The following C10orf67 variants were observed in gnomAD, a reference collection of about 807,000 sequenced individuals.
C10orf67 encodes uncharacterized protein C10orf67, mitochondrial.
In C10orf67, 60 loss-of-function variants were observed where a neutral mutation model predicts 35.6. That is an observed-to-expected ratio of 1.68 (90% CI 1.37 to 2.09). C10orf67 has a LOEUF of 2.09. Ranked by LOEUF, C10orf67 falls within the 30% of genes most tolerant of loss-of-function variation. C10orf67 has a pLI of 0.00. For missense variants in C10orf67, 474 were observed against 330.2 expected, an observed-to-expected ratio of 1.44 and a Z score of -3.38; for synonymous variants, 167 against 115.8, an observed-to-expected ratio of 1.44 and a Z score of -2.84.
chr10:23,248,574 C>T (rs1250414195), intron 12 of C10orf67, among the ~76,000 whole-genome samples: 1 of 152,092 alleles, frequency 6.6e-6, no homozygotes, highest in Non-Finnish European at 1.5e-5. Context: ...TTTTCATCTA[C>T]TAAACAAAAA....
chr10:23,205,091 C>T (rs1310610275), intron 15 of C10orf67, among the ~76,000 whole-genome samples: 1 of 152,198 alleles, frequency 6.6e-6, no homozygotes, highest in Non-Finnish European at 1.5e-5. Flanking sequence ...AAGATAAAAA[C>T]GTGACAACCT....
At chr10:23,224,244 C>T (rs553275871) in intron 13 of C10orf67, among the ~76,000 whole-genome samples, 17 of 152,276 alleles carry the variant, frequency 1.1e-4, no homozygotes, top group East Asian at 7.7e-4. Flanking sequence ...CTGCAGCCTC[C>T]GCTGCTGATA....
At chr10:23,261,931 T>C (rs897552733) in intron 10 of C10orf67, among the ~76,000 whole-genome samples, 10 of 152,180 alleles carry the variant, frequency 6.6e-5, no homozygotes, top group African/African-American at 2.2e-4. Flanking sequence ...AATAAGTTCC[T>C]AAAGAAAACA....
At chr10:23,275,975 G>A (rs934964653) in intron 8 of C10orf67, among the ~76,000 whole-genome samples, 1 of 152,034 alleles carries the variant, frequency 6.6e-6, no homozygotes, top group Non-Finnish European at 1.5e-5. Context: ...CAATACATTG[G>A]AGTTGATACA....
chr10:23,283,314 T>C (rs949250276), intron 7 of C10orf67, among the ~76,000 whole-genome samples: 2 of 152,242 alleles, frequency 1.3e-5, no homozygotes, highest in South Asian at 2.1e-4. Flanking sequence ...GTGTGTGTTA[T>C]AGGCTAGTAA....
intron 15 of C10orf67, among the ~76,000 whole-genome samples, chr10:23,208,833 T>C (rs1277555711): frequency 1.3e-5 from 2 of 152,136 alleles, no homozygotes; most frequent in Non-Finnish European, 2.9e-5. Context: ...GAACAATCCT[T>C]GTGCATTGGA....
At chr10:23,239,032 G>A (rs1241336398) in intron 13 of C10orf67, among the ~76,000 whole-genome samples, 4 of 151,282 alleles carry the variant, frequency 2.6e-5, no homozygotes, top group Non-Finnish European at 4.4e-5. Flanking sequence ...TATGCCTCTC[G>A]AAGCAAAAAA....
downstream of C10orf67, chr10:23,202,520 A>G (rs891052510): frequency 5.3e-5 from 8 of 150,404 alleles, no homozygotes; most frequent in African/African-American, 1.7e-4. Context: ...CTATGAATGC[A>G]TTTTCATCAC....
intron 10 of C10orf67, among the ~76,000 whole-genome samples, chr10:23,253,468 A>T (rs1842515813): frequency 6.6e-6 from 1 of 152,194 alleles, no homozygotes; most frequent in South Asian, 2.1e-4. Flanking sequence ...GGAAATCACC[A>T]GGGGAAGAGC....
rs574264145 is a variant in C10orf67 at position 23,299,761 on chromosome 10, A to G, written c.702+3543T>C. ...GGGAGGCTGAGGCGGGCGAATCATG[A>G]GGTCAAGAGATCAAGACCATCCTGG... On this transcript the variant is annotated intron_variant, in intron 5 of 15. Coordinates refer to ENST00000636213, the MANE Select transcript of C10orf67 (RefSeq NM_001371909.1). Among the ~76,000 whole-genome samples, 16 of 152,176 alleles carry G rather than the reference A, an allele frequency of 1.1e-4. No individual in the cohort carries two copies. The South Asian group carries it at 3.1e-3, about 30-fold the overall frequency.
intron 12 of C10orf67, among the ~76,000 whole-genome samples, chr10:23,240,379 A>G (rs910872767): frequency 6.6e-6 from 1 of 152,218 alleles, no homozygotes; most frequent in Non-Finnish European, 1.5e-5. Context: ...TAAGGCAATA[A>G]ATGCACAGAA....
At chr10:23,214,949 G>C (rs1841393193) in intron 15 of C10orf67, among the ~76,000 whole-genome samples, 1 of 152,156 alleles carries the variant, frequency 6.6e-6, no homozygotes, top group Non-Finnish European at 1.5e-5. Context: ...CTTGAACCTG[G>C]GAGGCGGAGA....
intron 13 of C10orf67, among the ~76,000 whole-genome samples, chr10:23,236,253 G>GAAAAAAAAAAAAA (rs368833212): frequency 1.8e-4 from 14 of 75,804 alleles, no homozygotes; most frequent in African/African-American, 8.4e-4. Flanking sequence ...CCTCTCGGGG[G>GAAAAAAAAAAAAA]AAAAAAAAAA....
At chr10:23,326,741 G>A (rs766269350) in intron 2 of C10orf67, among the ~76,000 whole-genome samples, 1 of 152,064 alleles carries the variant, frequency 6.6e-6, no homozygotes, top group Admixed American at 6.6e-5. Flanking sequence ...AGGTTATTGC[G>A]TTTTACATGA....
intron 13 of C10orf67, among the ~76,000 whole-genome samples, chr10:23,228,550 C>T (rs1366715785): frequency 6.6e-6 from 1 of 152,158 alleles, no homozygotes; most frequent in Admixed American, 6.5e-5. Flanking sequence ...ATCTCTAAAA[C>T]ACCAAAAGCA....
chr10:23,298,433 G>A (rs1445260211), intron 5 of C10orf67, among the ~76,000 whole-genome samples: 1 of 152,192 alleles, frequency 6.6e-6, no homozygotes, highest in Non-Finnish European at 1.5e-5. Context: ...CCATTGGCAA[G>A]CTTAACACTG....
intron 8 of C10orf67, among the ~76,000 whole-genome samples, chr10:23,273,515 T>C (rs553882201): frequency 7.2e-5 from 11 of 152,214 alleles, no homozygotes; most frequent in Non-Finnish European, 1.2e-4. Flanking sequence ...CATTGTACTA[T>C]AGCATCAGCT....
At chr10:23,290,612 G>T (rs1022859331) in intron 6 of C10orf67, among the ~76,000 whole-genome samples, 1 of 152,192 alleles carries the variant, frequency 6.6e-6, no homozygotes, top group Admixed American at 6.5e-5. Context: ...ACCAATGTTT[G>T]TGGTATGAAA....
At chr10:23,327,001 A>G (rs896197297) in intron 2 of C10orf67, among the ~76,000 whole-genome samples, 1 of 152,252 alleles carries the variant, frequency 6.6e-6, no homozygotes, top group African/African-American at 2.4e-5. Flanking sequence ...AAAAAGACAG[A>G]AGGACACAAT....
Sources: gnomAD v4.1 joint callset for allele counts (sites outside exome capture counted in the v4.1 genomes callset) on GRCh38, gnomAD v4.1.1 for gene constraint, MANE v1.5 for transcripts, NCBI Gene and HGNC (gene_info 2026-07-23, HGNC 2026-07-21) for gene names.